PAPPA2: variants seen among roughly 807,000 people sequenced by gnomAD.
The protein encoded by PAPPA2 is pappalysin 2.
PAPPA2 carries 86 observed loss-of-function variants against 176.4 expected under a neutral mutation model. The observed-to-expected ratio is 0.49, with a 90% CI of 0.41 to 0.58. PAPPA2 has a LOEUF of 0.58. PAPPA2 is among the 20% of genes least tolerant of loss of function. PAPPA2 has a pLI of 0.00. For synonymous variants in PAPPA2, 809 were observed against 852.2 expected, an observed-to-expected ratio of 0.95 and a Z score of 0.88; for missense variants, 2,073 against 2,256.9, an observed-to-expected ratio of 0.92 and a Z score of 1.65.
intron 21 of PAPPA2, among the ~76,000 whole-genome samples, chr1:176,828,314 C>T (rs1010384120): frequency 6.6e-6 from 1 of 152,076 alleles, no homozygotes; most frequent in Admixed American, 6.6e-5. Context: ...GTAGTACACA[C>T]CACACACCTA....
chr1:176,584,256 G>A (rs747991061), intron 2 of PAPPA2, among the ~76,000 whole-genome samples: 6 of 152,092 alleles, frequency 3.9e-5, no homozygotes, highest in Non-Finnish European at 7.4e-5. Context: ...TACTGAGAAT[G>A]GGTATTGGGG....
chr1:176,543,296 C>T (rs1650459271), intron 1 of PAPPA2, among the ~76,000 whole-genome samples: 1 of 152,086 alleles, frequency 6.6e-6, no homozygotes, highest in Admixed American at 6.5e-5. Flanking sequence ...TGTCCCCAGC[C>T]CTGGAACCAG....
intron 1 of PAPPA2, among the ~76,000 whole-genome samples, chr1:176,503,535 A>T (rs1648083072): frequency 6.6e-6 from 1 of 152,158 alleles, no homozygotes; most frequent in South Asian, 2.1e-4. Context: ...ATTTTAAGAG[A>T]TGGTTAATTA....
chr1:176,695,553 A>G (rs1408869274), intron 6 of PAPPA2, among the ~76,000 whole-genome samples, 185 bp from the exon 7 acceptor site: 1 of 152,082 alleles, frequency 6.6e-6, no homozygotes, highest in Non-Finnish European at 1.5e-5. Flanking sequence ...CATGTCACTG[A>G]ATTTTGCAAA....
intron 2 of PAPPA2, among the ~76,000 whole-genome samples, chr1:176,590,896 AC>A (rs1653615957): frequency 6.6e-6 from 1 of 152,142 alleles, no homozygotes; most frequent in African/African-American, 2.4e-5. Flanking sequence ...CCAGTCTGAC[AC>A]CTAATCTCTC....
intron 1 of PAPPA2, among the ~76,000 whole-genome samples, chr1:176,481,125 C>A (rs1250490402): frequency 6.6e-6 from 1 of 152,152 alleles, no homozygotes; most frequent in Admixed American, 6.6e-5. Flanking sequence ...GGAAGAGAAG[C>A]TTTCTGAATA....
chr1:176,786,277 C>T (rs911286405), intron 17 of PAPPA2, among the ~76,000 whole-genome samples: 1 of 152,058 alleles, frequency 6.6e-6, no homozygotes, highest in African/African-American at 2.4e-5. Flanking sequence ...CTAAGCAATA[C>T]ATTTCATTTG....
chr1:176,819,219 A>G (rs1433237542), intron 21 of PAPPA2, among the ~76,000 whole-genome samples: 47 of 152,204 alleles, frequency 3.1e-4, no homozygotes, highest in Admixed American at 3.1e-3. Context: ...CTTGACCATG[A>G]TAGAGAAAGG....
intron 3 of PAPPA2, among the ~76,000 whole-genome samples, chr1:176,655,508 A>T (rs1029059409): frequency 1.3e-5 from 2 of 151,896 alleles, no homozygotes; most frequent in Non-Finnish European, 2.9e-5. Context: ...AATGGCCAAC[A>T]AGCGGATTAA....
intron 1 of PAPPA2, among the ~76,000 whole-genome samples, chr1:176,478,143 C>T (rs1291522389): frequency 1.3e-5 from 2 of 152,186 alleles, no homozygotes; most frequent in African/African-American, 4.8e-5. Flanking sequence ...GAATAAGAAG[C>T]TTGTGCCAGA....
chr1:176,812,847 A>AT (rs1158197560), intron 21 of PAPPA2, among the ~76,000 whole-genome samples: 1 of 151,978 alleles, frequency 6.6e-6, no homozygotes, highest in Non-Finnish European at 1.5e-5. Flanking sequence ...ATAGGTGAAC[A>AT]TGTGCCATAG....
At position 176,652,787 on chromosome 1, in the gene PAPPA2, A is replaced by C. The variant is rs1657807723; in HGVS notation, c.1992-18183A>C. On this transcript the variant is annotated intron_variant, in intron 3 of 22. Transcript: ENST00000367662. ...AAGCTAATTGTCCACCTTGATCTTAATTTTTCCAGTGTAGAAACCATGAGT... is the reference window on the plus strand; with the variant it reads ...AAGCTAATTGTCCACCTTGATCTTACTTTTTCCAGTGTAGAAACCATGAGT... Among the ~76,000 whole-genome samples the C allele has an allele frequency of 4.0e-5, 6 of 151,468 alleles. No homozygotes were observed. In the South Asian group the frequency reaches 1.2e-3, roughly 31 times the overall value.
intron 6 of PAPPA2, 105 bp from the exon 7 acceptor site, chr1:176,695,633 C>T: frequency 7.5e-7 from 1 of 1,325,484 alleles, no homozygotes; most frequent in Non-Finnish European, 1.1e-6. Context: ...TCCTTACTAA[C>T]CATCAACCCC....
chr1:176,784,154 G>A (rs1203650461), intron 17 of PAPPA2, among the ~76,000 whole-genome samples: 1 of 152,184 alleles, frequency 6.6e-6, no homozygotes, highest in East Asian at 1.9e-4. Context: ...TGTTTTACAT[G>A]GAGGGTACTT....
chr1:176,558,312 GA>G (rs1280234233), intron 2 of PAPPA2, among the ~76,000 whole-genome samples: 1 of 152,232 alleles, frequency 6.6e-6, no homozygotes, highest in African/African-American at 2.4e-5. Flanking sequence ...GCTGGGAATA[GA>G]ACTCCAGGAC....
intron 14 of PAPPA2, among the ~76,000 whole-genome samples, chr1:176,754,961 C>G (rs1663348171): frequency 6.6e-6 from 1 of 152,168 alleles, no homozygotes; most frequent in East Asian, 1.9e-4. Context: ...ACCCCTGCTT[C>G]TCACTTTTGT....
intron 3 of PAPPA2, among the ~76,000 whole-genome samples, chr1:176,658,590 T>A (rs1249377524): frequency 6.6e-6 from 1 of 151,948 alleles, no homozygotes; most frequent in Non-Finnish European, 1.5e-5. Flanking sequence ...AGAGGTGTTA[T>A]AGAAAAGAGG....
intron 12 of PAPPA2, 83 bp downstream of exon 12, chr1:176,712,064 G>C: frequency 6.9e-7 from 1 of 1,448,400 alleles, no homozygotes; most frequent in South Asian, 1.5e-5. Flanking sequence ...TGTGTAAATG[G>C]TGCATTTGGA....
At chr1:176,577,865 T>G (rs1652743806) in intron 2 of PAPPA2, among the ~76,000 whole-genome samples, 1 of 152,124 alleles carries the variant, frequency 6.6e-6, no homozygotes, top group African/African-American at 2.4e-5. Context: ...ATTTTCCTCC[T>G]AAAAACAAAC....
Sources: gnomAD v4.1 joint callset for allele counts (sites outside exome capture counted in the v4.1 genomes callset) on GRCh38, gnomAD v4.1.1 for gene constraint, MANE v1.5 for transcripts, NCBI Gene and HGNC (gene_info 2026-07-23, HGNC 2026-07-21) for gene names.